Variants in SPAST observed in about 807,000 individuals in gnomAD.
The protein encoded by SPAST is spastin, also known as spastic paraplegia 4 (autosomal dominant; spastin).
A neutral mutation model predicts 76.6 loss-of-function variants in SPAST; 30 were observed. The ratio of observed to expected loss-of-function variants is 0.39; its 90% CI spans 0.29 to 0.53. The LOEUF (loss-of-function observed/expected upper bound fraction) is 0.53. SPAST is among the 20% of genes least tolerant of loss of function. The probability of loss-of-function intolerance (pLI) is 0.68; values close to 1 mark genes in which losing one functional copy is unlikely to be tolerated. For missense variants in SPAST, 717 were observed against 770.5 expected (o/e 0.93, Z 0.82); for synonymous variants, 305 against 281.0 (o/e 1.09, Z -0.86).
chr2:32,069,945 G>A (rs1271786503), intron 1 of SPAST, among the ~76,000 whole-genome samples: 1 of 151,424 alleles, frequency 6.6e-6, no homozygotes, highest in African/African-American at 2.4e-5. Context: ...GAAATATTTG[G>A]TACCTTGAAA....
chr2:32,128,684 C>A, intron 9 of SPAST: 1 of 565,136 alleles, frequency 1.8e-6, no homozygotes, highest in Admixed American at 3.0e-5. Flanking sequence ...TTACTGGGGC[C>A]ATGTAATAAA....
At chr2:32,152,244 T>A (rs1680111884) in intron 16 of SPAST, among the ~76,000 whole-genome samples, 2 of 152,140 alleles carry the variant, frequency 1.3e-5, no homozygotes, top group African/African-American at 4.8e-5. Context: ...ACTATAGACT[T>A]AAAGTACAAT....
chr2:32,110,428 T>C (rs892470355), intron 4 of SPAST, among the ~76,000 whole-genome samples: 35 of 146,636 alleles, frequency 2.4e-4, no homozygotes, highest in African/African-American at 7.7e-4. Flanking sequence ...CCTATACATA[T>C]ATAGTTATAT....
chr2:32,072,744 G>A (rs1383002554), intron 1 of SPAST, among the ~76,000 whole-genome samples: 1 of 152,126 alleles, frequency 6.6e-6, no homozygotes, highest in African/African-American at 2.4e-5. Flanking sequence ...GTTTTCAGAA[G>A]ATGAGGATGG....
chr2:32,121,769 C>A (rs1234082537), intron 7 of SPAST, among the ~76,000 whole-genome samples: 1 of 151,950 alleles, frequency 6.6e-6, no homozygotes, highest in African/African-American at 2.4e-5. Context: ...GTTTCAAACT[C>A]CTGACCTCAG....
intron 1 of SPAST, among the ~76,000 whole-genome samples, chr2:32,086,244 G>A (rs1331434946): frequency 6.6e-6 from 1 of 151,914 alleles, no homozygotes; most frequent in African/African-American, 2.4e-5. Context: ...GATTACTTGA[G>A]CCTAGGAGTT....
chr2:32,072,211 T>A (rs1676780499), intron 1 of SPAST, among the ~76,000 whole-genome samples: 2 of 151,910 alleles, frequency 1.3e-5, no homozygotes, highest in South Asian at 4.2e-4. Flanking sequence ...CCCAGCTATT[T>A]TTTTTGTATT....
chr2:32,067,076 T>G (rs999777969), intron 1 of SPAST, among the ~76,000 whole-genome samples: 8 of 152,240 alleles, frequency 5.3e-5, no homozygotes, highest in Non-Finnish European at 1.2e-4. Flanking sequence ...ATTTGTTTAT[T>G]TTTGAGACGG....
Position 32,115,570 on chromosome 2 carries a change from T to A in SPAST, c.871-132T>A, listed in dbSNP as rs1013855313. ...AGTTTTACCTTCAGGTAAATAAATA[T>A]ACAATTTATGGATTTTTATACCCTT... is the stretch of plus-strand genomic sequence containing the variant. On this transcript the variant is annotated intron_variant, in intron 5 of 16. Transcript: ENST00000315285. 4 of 653,182 alleles carry A rather than the reference T, an allele frequency of 6.1e-6. No homozygotes were observed. In the African/African-American group the frequency reaches 7.3e-5, roughly 12 times the overall value. The allele number at this position is 653,182 out of a possible 1,614,324, so 40.5% of individuals were successfully genotyped here. A position where few individuals can be genotyped will look rare whatever the true frequency, so the allele number is the denominator to read the frequency against.
At chr2:32,128,366 T>C in intron 8 of SPAST, 42 bp from the exon 9 acceptor site, 1 of 1,283,600 alleles carries the variant, frequency 7.8e-7, no homozygotes, top group African/African-American at 1.5e-5. Flanking sequence ...TTAAATGTAA[T>C]ATATTGAACT....
chr2:32,070,940 T>C (rs946781659), intron 1 of SPAST, among the ~76,000 whole-genome samples: 22 of 152,236 alleles, frequency 1.4e-4, no homozygotes, highest in African/African-American at 5.3e-4. Flanking sequence ...AGTAGACTCA[T>C]AGCAGAAACA....
chr2:32,091,574 T>C (rs1677718278), intron 3 of SPAST, among the ~76,000 whole-genome samples: 2 of 148,618 alleles, frequency 1.3e-5, no homozygotes, highest in Admixed American at 1.3e-4. Flanking sequence ...GGCTAACGCC[T>C]GTAATCCCAG....
chr2:32,113,204 T>C (rs1283145792), intron 4 of SPAST, among the ~76,000 whole-genome samples: 1 of 151,838 alleles, frequency 6.6e-6, no homozygotes, highest in Non-Finnish European at 1.5e-5. Flanking sequence ...CAGGGCTCAC[T>C]GCAATCGGGT....
intron 7 of SPAST, 59 bp downstream of exon 7, chr2:32,116,271 T>A: frequency 9.9e-7 from 1 of 1,012,448 alleles, no homozygotes; most frequent in Non-Finnish European, 1.6e-6. Context: ...TCCATAGTAG[T>A]AGTAGTAGTA....
At chr2:32,111,332 G>GTA (rs1047922981) in intron 4 of SPAST, among the ~76,000 whole-genome samples, 1 of 127,646 alleles carries the variant, frequency 7.8e-6, no homozygotes, top group Non-Finnish European at 1.7e-5. Context: ...TGTGTATAGC[G>GTA]TATATATACA....
chr2:32,124,466 T>A (rs1679126101), intron 7 of SPAST, among the ~76,000 whole-genome samples: 1 of 151,882 alleles, frequency 6.6e-6, no homozygotes, highest in African/African-American at 2.4e-5. Flanking sequence ...TTGGACAGTT[T>A]TTTACAGAAC....
chr2:32,143,847 A>G (rs1204487352), intron 14 of SPAST, among the ~76,000 whole-genome samples: 1 of 152,172 alleles, frequency 6.6e-6, no homozygotes, highest in Non-Finnish European at 1.5e-5. Context: ...GAGGTTGAGC[A>G]ACAGAGTGAG....
At chr2:32,110,810 ATATAG>A in intron 4 of SPAST, among the ~76,000 whole-genome samples, 4 of 124,766 alleles carry the variant, frequency 3.2e-5, no homozygotes, top group African/African-American at 1.2e-4. Flanking sequence ...ATAGTATACT[ATATAG>A]TATATAGAGT....
intron 8 of SPAST, 153 bp downstream of exon 8, chr2:32,127,175 T>G: frequency 2.9e-6 from 2 of 683,250 alleles, no homozygotes; most frequent in Non-Finnish European, 5.3e-6. Context: ...TTGTTTTGTT[T>G]TGAGTGATCT....
Sources: gnomAD v4.1 joint callset for allele counts (sites outside exome capture counted in the v4.1 genomes callset) on GRCh38, gnomAD v4.1.1 for gene constraint, MANE v1.5 for transcripts, NCBI Gene and HGNC (gene_info 2026-07-23, HGNC 2026-07-21) for gene names.